Variants in ROBO2 observed in about 807,000 individuals in gnomAD.
The protein encoded by ROBO2 is roundabout homolog 2.
In ROBO2, 53 loss-of-function variants were observed where a neutral mutation model predicts 160.8. The ratio of observed to expected loss-of-function variants is 0.33; its 90% confidence interval spans 0.26 to 0.41. The LOEUF (loss-of-function observed/expected upper bound fraction) is 0.41. Ranked by LOEUF, ROBO2 falls within the 10% of genes least tolerant of loss-of-function variation. ROBO2 has a pLI of 1.00. For missense variants in ROBO2, 1,577 were observed against 1,722.4 expected (o/e 0.92, Z 1.49); for synonymous variants, 664 against 611.7 (o/e 1.09, Z -1.26).
At chr3:76,526,568 G>A (rs1368011861) in intron 2 of ROBO2, among the ~76,000 whole-genome samples, 3 of 152,002 alleles carry the variant, frequency 2.0e-5, no homozygotes, top group African/African-American at 7.2e-5. Flanking sequence ...ACTGAAAAGA[G>A]AAGAGTGCTA....
intron 2 of ROBO2, among the ~76,000 whole-genome samples, chr3:76,005,108 A>G (rs992292612): frequency 3.3e-5 from 5 of 152,226 alleles, no homozygotes; most frequent in Non-Finnish European, 5.9e-5. Context: ...TTGCCTTTGC[A>G]TCTTGGATTT....
chr3:76,620,709 C>T (rs1054044584), intron 2 of ROBO2, among the ~76,000 whole-genome samples: 1 of 151,936 alleles, frequency 6.6e-6, no homozygotes, highest in Non-Finnish European at 1.5e-5. Context: ...TACATTATGG[C>T]CAGTGGCAAA....
At chr3:76,077,356 A>G (rs1372178194) in intron 2 of ROBO2, among the ~76,000 whole-genome samples, 1 of 152,102 alleles carries the variant, frequency 6.6e-6, no homozygotes, top group Non-Finnish European at 1.5e-5. Flanking sequence ...TGAGGTCAGG[A>G]GTTCGAGACC....
At chr3:76,784,265 A>C (rs1487799343) in intron 2 of ROBO2, among the ~76,000 whole-genome samples, 1 of 151,162 alleles carries the variant, frequency 6.6e-6, no homozygotes, top group Non-Finnish European at 1.5e-5. Context: ...GAGGAGAGAA[A>C]GACTTTCAAC....
chr3:76,328,881 CAAATAT>C (rs2073247901), intron 2 of ROBO2, among the ~76,000 whole-genome samples: 1 of 32,030 alleles, frequency 3.1e-5, no homozygotes, highest in Non-Finnish European at 8.7e-5. Context: ...CAAACAAAAA[CAAATAT>C]ATATATATAT....
chr3:76,654,986 T>C (rs1258685164), intron 2 of ROBO2, among the ~76,000 whole-genome samples: 1 of 149,208 alleles, frequency 6.7e-6, no homozygotes, highest in Non-Finnish European at 1.5e-5. Context: ...AAAGATACCT[T>C]AATATTCACT....
At chr3:76,326,685 C>T (rs553122074) in intron 2 of ROBO2, among the ~76,000 whole-genome samples, 8 of 151,284 alleles carry the variant, frequency 5.3e-5, no homozygotes, top group Non-Finnish European at 7.4e-5. Context: ...TAGTTACATA[C>T]GTATACATGT....
At chr3:77,004,482 G>C (rs1473931512) in intron 2 of ROBO2, among the ~76,000 whole-genome samples, 1 of 152,172 alleles carries the variant, frequency 6.6e-6, no homozygotes, top group Non-Finnish European at 1.5e-5. Context: ...CCTGTGAAAA[G>C]AGAAACCCTG....
chr3:76,065,122 G>A (rs542156555), intron 2 of ROBO2, among the ~76,000 whole-genome samples: 3 of 152,086 alleles, frequency 2.0e-5, no homozygotes, highest in East Asian at 1.9e-4. Flanking sequence ...TGTAAGAAAC[G>A]AAAAATTTGG....
chr3:76,584,795 C>T (rs546259100), intron 2 of ROBO2, among the ~76,000 whole-genome samples: 7 of 152,168 alleles, frequency 4.6e-5, no homozygotes, highest in Non-Finnish European at 1.0e-4. Context: ...ATAATATGCT[C>T]TGTGTATAGG....
chr3:77,057,759 C>T (rs13061055), intron 1 of ROBO2, among the ~76,000 whole-genome samples: 66,240 of 151,334 alleles, frequency 0.44, 18,346 homozygotes, highest in Non-Finnish European at 0.62. Flanking sequence ...TTAGTAGAGA[C>T]GGGGTTTTAC....
At chr3:77,516,091 T>C (rs2089987369) in intron 5 of ROBO2, among the ~76,000 whole-genome samples, 1 of 151,670 alleles carries the variant, frequency 6.6e-6, no homozygotes, top group Non-Finnish European at 1.5e-5. Context: ...TGTTCACTCA[T>C]TCATATCTTC....
At chr3:76,927,013 G>A (rs1448688619) in intron 2 of ROBO2, among the ~76,000 whole-genome samples, 1 of 151,832 alleles carries the variant, frequency 6.6e-6, no homozygotes, top group East Asian at 1.9e-4. Context: ...AGACTAAATC[G>A]CTGTGGAACA....
intron 24 of ROBO2, among the ~76,000 whole-genome samples, chr3:77,640,596 AG>A (rs1312469313): frequency 6.6e-6 from 1 of 152,202 alleles, no homozygotes; most frequent in Non-Finnish European, 1.5e-5. Flanking sequence ...GTCTAAAAAC[AG>A]AAGGTAATAA....
intron 2 of ROBO2, among the ~76,000 whole-genome samples, chr3:76,489,189 A>G (rs1360102234): frequency 6.7e-6 from 1 of 150,326 alleles, no homozygotes; most frequent in Non-Finnish European, 1.5e-5. Context: ...TTTTGTCACA[A>G]CCTAAAACAT....
intron 2 of ROBO2, among the ~76,000 whole-genome samples, chr3:77,111,556 T>A (rs1202920025): frequency 6.6e-6 from 1 of 152,240 alleles, no homozygotes; most frequent in Admixed American, 6.5e-5. Flanking sequence ...TTTACTGTTT[T>A]AAATTTATAC....
intron 2 of ROBO2, among the ~76,000 whole-genome samples, chr3:75,975,865 T>G (rs1333367919): frequency 6.6e-6 from 1 of 151,582 alleles, no homozygotes; most frequent in Non-Finnish European, 1.5e-5. Context: ...GGAAGTAGTA[T>G]TAATCTGATT....
rs142937765 is a variant in ROBO2, at chr3:77,443,310, G to A, written c.389-34104G>A. Among the ~76,000 whole-genome samples, 56 of 150,938 alleles carry A rather than the reference G, an allele frequency of 3.7e-4. No individual in the cohort carries two copies. In the East Asian group the frequency reaches 9.0e-3, roughly 24 times the overall value. ...TATTATTATCTTTTTTTTTTCAGAAGAGGAAATAGACTGAGAAAAAAATAA... is the reference window on the plus strand; with the variant it reads ...TATTATTATCTTTTTTTTTTCAGAAAAGGAAATAGACTGAGAAAAAAATAA... On this transcript the variant is annotated intron_variant, in intron 2 of 25. Transcript: ENST00000461745.
chr3:77,331,681 G>T (rs1477184914), intron 2 of ROBO2, among the ~76,000 whole-genome samples: 2 of 141,390 alleles, frequency 1.4e-5, no homozygotes, highest in Admixed American at 7.2e-5. Context: ...AGCTTGAAAG[G>T]CCTATTTATT....
Sources: allele counts gnomAD v4.1 joint callset (sites outside exome capture counted in the v4.1 genomes callset), GRCh38; gene constraint gnomAD v4.1.1; transcripts MANE v1.5; gene names NCBI Gene and HGNC (gene_info 2026-07-23, HGNC 2026-07-21).